The following ATL2 variants were observed in gnomAD, a reference collection of about 807,000 sequenced individuals.
The protein encoded by ATL2 is atlastin-2.
A neutral mutation model predicts 73.9 loss-of-function variants in ATL2; 31 were observed. That is an observed-to-expected ratio of 0.42 (90% CI 0.32 to 0.57). The LOEUF (loss-of-function observed/expected upper bound fraction) is 0.57. Among genes scored for constraint, ATL2 ranks in the 20% least tolerant of loss-of-function variants. The pLI is 0.14. For synonymous variants in ATL2, 291 were observed against 237.5 expected (o/e 1.23, Z -2.07); for missense variants, 738 against 702.6 (o/e 1.05, Z -0.57).
chr2:38,366,153 G>C (rs1281894457), intron 1 of ATL2, among the ~76,000 whole-genome samples: 1 of 146,844 alleles, frequency 6.8e-6, no homozygotes, highest in African/African-American at 2.5e-5. Context: ...CTCTCCTTTT[G>C]TCCCCTCTTA....
chr2:38,327,262 G>C (rs996082135), intron 2 of ATL2, among the ~76,000 whole-genome samples: 1 of 151,958 alleles, frequency 6.6e-6, no homozygotes, highest in African/African-American at 2.4e-5. Flanking sequence ...AAATCTTTTA[G>C]GTGGTTATAG....
intron 2 of ATL2, among the ~76,000 whole-genome samples, chr2:38,341,810 G>T (rs1669736684): frequency 6.6e-6 from 1 of 152,116 alleles, no homozygotes; most frequent in South Asian, 2.1e-4. Flanking sequence ...AAGCTTCCTG[G>T]AAAACCAAAT....
intron 2 of ATL2, among the ~76,000 whole-genome samples, chr2:38,325,175 CA>C (rs1385766941): frequency 6.6e-6 from 1 of 152,194 alleles, no homozygotes; most frequent in Non-Finnish European, 1.5e-5. Flanking sequence ...TCAGCTTTCT[CA>C]TGTAAAAAGT....
intron 12 of ATL2, 47 bp downstream of exon 12, chr2:38,298,097 C>A: frequency 6.6e-7 from 1 of 1,513,586 alleles, no homozygotes; most frequent in East Asian, 2.3e-5. Flanking sequence ...TGGAAAGTCA[C>A]AGGAAAATAA....
intron 1 of ATL2, among the ~76,000 whole-genome samples, chr2:38,365,280 A>C (rs1671256966): frequency 6.6e-6 from 1 of 152,178 alleles, no homozygotes; most frequent in Admixed American, 6.6e-5. Context: ...AAAAGCTTTA[A>C]GCCAATACTC....
In ATL2 at chr2:38,314,681, G is replaced by C. The variant is rs371258402; in HGVS notation, c.655-17C>G. On this transcript the variant is annotated splice_polypyrimidine_tract_variant and intron_variant, in intron 5 of 12. Transcript: ENST00000378954. Reference sequence around the variant, plus strand: ...TGTAAATAACTATTAAATAGAGTTAGTTAAAATAATGCCTCTAAAGAGATT... The same window carrying C: ...TGTAAATAACTATTAAATAGAGTTACTTAAAATAATGCCTCTAAAGAGATT... 2.6e-6 allele frequency: 4 copies of C among 1,528,314 alleles called. No homozygotes were observed. The highest frequency in any genetic ancestry group is 3.6e-6 in the Non-Finnish European group (4 of 1,106,358). 94.7% of individuals were successfully genotyped at this position (1,528,314 alleles called of 1,614,324 possible). A position where few individuals can be genotyped will look rare whatever the true frequency, so the allele number is the denominator to read the frequency against.
intron 1 of ATL2, among the ~76,000 whole-genome samples, chr2:38,355,660 TAAAAAG>T (rs1232477151): frequency 2.0e-5 from 3 of 148,046 alleles, no homozygotes; most frequent in Non-Finnish European, 4.5e-5. Context: ...TTCAGAGAAC[TAAAAAG>T]AAAAACAGAT....
At chr2:38,373,922 G>A (rs1291485529) in intron 1 of ATL2, among the ~76,000 whole-genome samples, 2 of 152,016 alleles carry the variant, frequency 1.3e-5, no homozygotes, top group Non-Finnish European at 2.9e-5. Context: ...ACAGAGTTTC[G>A]CTCTTGTTGC....
chr2:38,303,635 G>C (rs1168296114), intron 9 of ATL2, among the ~76,000 whole-genome samples: 11 of 152,052 alleles, frequency 7.2e-5, no homozygotes, highest in Admixed American at 7.2e-4. Context: ...AGCCCCAAAA[G>C]GGCAAATCTA....
At chr2:38,340,931 T>C (rs1213168833) in intron 2 of ATL2, among the ~76,000 whole-genome samples, 1 of 152,216 alleles carries the variant, frequency 6.6e-6, no homozygotes, top group African/African-American at 2.4e-5. Flanking sequence ...TCATAACCTT[T>C]GCATGGCTTC....
intron 9 of ATL2, among the ~76,000 whole-genome samples, chr2:38,303,871 C>T (rs1275855727): frequency 6.6e-6 from 1 of 152,160 alleles, no homozygotes; most frequent in Non-Finnish European, 1.5e-5. Context: ...GTGGCTCATG[C>T]CTGTAATCCC....
At chr2:38,317,902 AAG>A (rs1668111410) in intron 4 of ATL2, among the ~76,000 whole-genome samples, 1 of 152,248 alleles carries the variant, frequency 6.6e-6, no homozygotes, top group African/African-American at 2.4e-5. Context: ...TTCACATCAT[AAG>A]CCAGAAAACC....
In ATL2 at chr2:38,328,943, G is replaced by C. The variant is rs376049292; in HGVS notation, c.364-9924C>G. ...AACTGAAGAGAGAGGGGAGAAAAAA[G>C]ATAAGACAAACTAGTATCAGAAATC... On this transcript the variant is annotated intron_variant, in intron 2 of 12. Coordinates refer to ENST00000378954, the MANE Select transcript of ATL2 (RefSeq NM_001135673.4). Among the ~76,000 whole-genome samples, 35 of 151,700 alleles carry C rather than the reference G, an allele frequency of 2.3e-4. No homozygotes were observed. In the East Asian group the frequency reaches 2.3e-3, roughly 10 times the overall value.
intron 1 of ATL2, among the ~76,000 whole-genome samples, chr2:38,367,629 A>T (rs1671416486): frequency 7.3e-6 from 1 of 137,730 alleles, no homozygotes; most frequent in Admixed American, 7.2e-5. Flanking sequence ...GCCCATTTAA[A>T]ACAACTTTTT....
At chr2:38,301,212 C>T (rs1170538085) in intron 9 of ATL2, among the ~76,000 whole-genome samples, 1 of 152,112 alleles carries the variant, frequency 6.6e-6, no homozygotes, top group Non-Finnish European at 1.5e-5. Flanking sequence ...TCAGGTGATT[C>T]GCCCACTTTA....
intron 1 of ATL2, among the ~76,000 whole-genome samples, chr2:38,350,522 G>C (rs749107277): frequency 1.4e-4 from 21 of 152,134 alleles, no homozygotes; most frequent in East Asian, 1.9e-4. Context: ...TACGAAATTG[G>C]TTGATACCTG....
intron 1 of ATL2, among the ~76,000 whole-genome samples, chr2:38,374,875 G>A (rs1432837772): frequency 3.3e-5 from 5 of 152,228 alleles, no homozygotes; most frequent in Non-Finnish European, 7.4e-5. Context: ...ACAGAAAAAC[G>A]AATCCTGAAA....
At chr2:38,341,194 T>G (rs1428433425) in intron 2 of ATL2, among the ~76,000 whole-genome samples, 1 of 152,222 alleles carries the variant, frequency 6.6e-6, no homozygotes, top group Admixed American at 6.5e-5. Flanking sequence ...CACAGATAGA[T>G]ACAATATACA....
chr2:38,310,905 G>A (rs575077590), intron 7 of ATL2, among the ~76,000 whole-genome samples: 146 of 152,108 alleles, frequency 9.6e-4, no homozygotes, highest in Non-Finnish European at 1.4e-3. Flanking sequence ...GGGATTACAG[G>A]CATGAGCCAC....
Sources: gnomAD v4.1 joint callset for allele counts (sites outside exome capture counted in the v4.1 genomes callset) on GRCh38, gnomAD v4.1.1 for gene constraint, MANE v1.5 for transcripts, NCBI Gene and HGNC (gene_info 2026-07-23, HGNC 2026-07-21) for gene names.